The following HBP1 variants were observed in gnomAD, a reference collection of about 807,000 sequenced individuals.
HBP1 encodes the protein HMG-box transcription factor 1, also known as HMG box-containing protein 1.
HBP1 carries 20 observed loss-of-function variants against 62.6 expected under a neutral mutation model. The ratio of observed to expected loss-of-function variants is 0.32; its 90% confidence interval spans 0.22 to 0.46. The LOEUF is 0.46. Among genes scored for constraint, HBP1 ranks in the 20% least tolerant of loss-of-function variants. The probability of loss-of-function intolerance (pLI) is 1.00; values close to 1 mark genes in which losing one functional copy is unlikely to be tolerated. For missense variants in HBP1, 480 were observed against 611.8 expected (o/e 0.78, Z 2.27); for synonymous variants, 232 against 206.2 (o/e 1.12, Z -1.07).
chr7:107,189,766 T>C (rs10487270), intron 7 of HBP1: 2,399 of 238,528 alleles, frequency 0.01, 56 homozygotes, highest in African/African-American at 0.052. Context: ...TTACCAAATA[T>C]GATATAAACC....
chr7:107,186,211 TCA>T (rs1797367740), intron 4 of HBP1, 148 bp from the exon 5 acceptor site: 2 of 442,442 alleles, frequency 4.5e-6, no homozygotes, highest in African/African-American at 2.0e-5. Flanking sequence ...CTGACAACCC[TCA>T]GTTTTTGAAG....
At chr7:107,193,530 T>C (rs1030683760) in intron 8 of HBP1, among the ~76,000 whole-genome samples, 12 of 152,338 alleles carry the variant, frequency 7.9e-5, no homozygotes, top group Admixed American at 3.3e-4. Context: ...CTGCATAGCA[T>C]AGATTTATTT....
At chr7:107,189,886 TGATGGAAGTGCTCATTGTCATTGTAGACG>T (rs1797562919) in intron 7 of HBP1, 1 of 285,452 alleles carries the variant, frequency 3.5e-6, no homozygotes, top group Non-Finnish European at 6.4e-6. Context: ...CATTGTAGAC[TGATGGAAGTGCTCATTGTCATTGTAGACG>T]GATGGAAGTG....
chr7:107,197,258 T>G (rs1308027072), intron 9 of HBP1: 1 of 152,208 alleles, frequency 6.6e-6, no homozygotes, highest in East Asian at 1.9e-4. Flanking sequence ...TACCATTTGC[T>G]TTATCTTGAT....
chr7:107,193,796 G>C (rs962805836), intron 8 of HBP1, among the ~76,000 whole-genome samples: 1 of 152,132 alleles, frequency 6.6e-6, no homozygotes, highest in African/African-American at 2.4e-5. Flanking sequence ...TGGACTGCCT[G>C]GATTCAAATC....
At chr7:107,192,667 C>T (rs998103046) in intron 8 of HBP1, 5 of 148,120 alleles carry the variant, frequency 3.4e-5, no homozygotes, top group African/African-American at 1.3e-4. Flanking sequence ...GAAAACTTGC[C>T]TGCCTAATTC....
In HBP1 at chr7:107,195,858, T is replaced by C. The variant is rs576171643; in HGVS notation, c.1092T>C (p.Ser364=). 12 of 1,601,224 alleles carry C rather than the reference T, an allele frequency of 7.5e-6. No individual in the cohort carries two copies. In the Admixed American group the frequency reaches 1.7e-4, roughly 22 times the overall value. Residue 364 remains serine (S), a synonymous_variant, in exon 9 of 11, where the codon TCT becomes TCC. Transcript: ENST00000222574. ...FKSYDFTPMD[S]SAVYVLSSMA... Reference sequence around the variant, plus strand: ...GCTATGACTTCACACCTATGGATTCTTCTGCAGTTTATGTGTTAAGTAGTA... The same window carrying C: ...GCTATGACTTCACACCTATGGATTCCTCTGCAGTTTATGTGTTAAGTAGTA...
Position 107,186,345 on chromosome 7 carries a change from A to G in HBP1, c.541-16A>G. 1 of 1,437,080 alleles carries G rather than the reference A, an allele frequency of 7.0e-7. No individual in the cohort carries two copies. Among genetic ancestry groups the G allele is most frequent in the South Asian group, 1.2e-5 (1 of 83,276 alleles). 89.0% of individuals were successfully genotyped at this position (1,437,080 alleles called of 1,614,324 possible). A position where few individuals can be genotyped will look rare whatever the true frequency, so the allele number is the denominator to read the frequency against. On this transcript the variant is annotated splice_polypyrimidine_tract_variant and intron_variant, in intron 4 of 10. Coordinates refer to ENST00000222574, the MANE Select transcript of HBP1 (RefSeq NM_012257.4). ...TTAAAAACAAATAAAAAAGTTGATA[A>G]TATTTTTCTCCATAGGCAAATAGTG...
At chr7:107,189,476 CTTT>C in intron 7 of HBP1, 28 bp downstream of exon 7, 3 of 1,546,458 alleles carry the variant, frequency 1.9e-6, no homozygotes, top group Non-Finnish European at 2.6e-6. Flanking sequence ...TTTGTAGTAA[CTTT>C]TTTTAAACAA....
Position 107,186,686 on chromosome 7 carries a change from A to G in HBP1, c.765+5A>G. The G allele has an allele frequency of 1.3e-6, 2 of 1,546,428 alleles. No individual in the cohort carries two copies. The highest frequency in any genetic ancestry group is 1.8e-6 in the Non-Finnish European group (2 of 1,131,140). On this transcript the variant is annotated splice_donor_5th_base_variant and intron_variant, in intron 6 of 10. Transcript: ENST00000222574. ...CTTCAAATGGGCATTCACAAGGTTG[A>G]TTTAAAATTCTTAAAAAATTTTTCA...
At chr7:107,195,008 A>T (rs1047606574) in intron 8 of HBP1, among the ~76,000 whole-genome samples, 3 of 152,092 alleles carry the variant, frequency 2.0e-5, no homozygotes, top group African/African-American at 7.2e-5. Context: ...TAAACAAATG[A>T]CCCAGATTAC....
intron 6 of HBP1, among the ~76,000 whole-genome samples, chr7:107,188,421 T>G (rs144740250): frequency 2.0e-5 from 3 of 152,354 alleles, no homozygotes; most frequent in Non-Finnish European, 4.4e-5. Context: ...TTGATTCTAA[T>G]TCTGTAAAGA....
intron 9 of HBP1, chr7:107,196,393 C>G: frequency 4.3e-6 from 2 of 467,706 alleles, no homozygotes; most frequent in Non-Finnish European, 8.0e-6. Context: ...CTCAGCCTCT[C>G]AAGTAGCTGA....
chr7:107,196,413 C>T (rs538794238), intron 9 of HBP1: 44 of 419,434 alleles, frequency 1.0e-4, no homozygotes, highest in Non-Finnish European at 1.7e-4. Flanking sequence ...AGACTACAGG[C>T]GCCCACCACC....
chr7:107,192,280 C>G (rs1489605820), intron 8 of HBP1, among the ~76,000 whole-genome samples: 1 of 151,804 alleles, frequency 6.6e-6, no homozygotes, highest in Non-Finnish European at 1.5e-5. Context: ...TGATGGGACC[C>G]CTCAAAATCC....
intron 1 of HBP1, among the ~76,000 whole-genome samples, chr7:107,170,935 A>AAT (rs1426234061): frequency 6.8e-6 from 1 of 146,878 alleles, no homozygotes; most frequent in African/African-American, 2.5e-5. Flanking sequence ...ATATGTATAA[A>AAT]ATATATAACA....
At chr7:107,179,842 G>A in intron 1 of HBP1, 37 bp from the exon 2 acceptor site, 1 of 1,418,608 alleles carries the variant, frequency 7.0e-7, no homozygotes, top group South Asian at 1.3e-5. Context: ...AAATTGCATG[G>A]CTTGACATCA....
chr7:107,197,801 TA>T (rs869083168), intron 9 of HBP1, among the ~76,000 whole-genome samples: 1 of 152,226 alleles, frequency 6.6e-6, no homozygotes, highest in African/African-American at 2.4e-5. Context: ...GTGTGTTTTT[TA>T]AAAAAAGTTA....
At chr7:107,181,377 C>T (rs1373418138) in intron 2 of HBP1, among the ~76,000 whole-genome samples, 3 of 151,824 alleles carry the variant, frequency 2.0e-5, no homozygotes, top group Non-Finnish European at 2.9e-5. Flanking sequence ...GAGGCAGAGG[C>T]GTGAGGATCA....
Sources: gnomAD v4.1 joint callset for allele counts (sites outside exome capture counted in the v4.1 genomes callset) on GRCh38, gnomAD v4.1.1 for gene constraint, MANE v1.5 for transcripts, NCBI Gene and HGNC (gene_info 2026-07-23, HGNC 2026-07-21) for gene names.